The following MTUS2 variants were observed in gnomAD, a reference collection of about 807,000 sequenced individuals.
MTUS2 encodes microtubule associated scaffold protein 2.
A neutral mutation model predicts 114.1 loss-of-function variants in MTUS2; 40 were observed. That is an observed-to-expected ratio of 0.35 (90% confidence interval 0.27 to 0.46). The LOEUF (loss-of-function observed/expected upper bound fraction) is 0.46. MTUS2 is among the 20% of genes least tolerant of loss of function. The pLI, the probability that MTUS2 is intolerant of heterozygous loss-of-function variation, is 1.00. For missense variants in MTUS2, 1,679 were observed against 1,705.4 expected (o/e 0.98, Z 0.27); for synonymous variants, 688 against 672.0 (o/e 1.02, Z -0.37).
At chr13:29,336,876 A>G (rs948638363) in intron 7 of MTUS2, among the ~76,000 whole-genome samples, 5 of 152,232 alleles carry the variant, frequency 3.3e-5, no homozygotes, top group African/African-American at 1.2e-4. Flanking sequence ...GTCTGGCTAC[A>G]GCGGCTTTGC....
At chr13:29,431,287 C>T (rs764375224) in intron 8 of MTUS2, among the ~76,000 whole-genome samples, 31 of 152,170 alleles carry the variant, frequency 2.0e-4, no homozygotes, top group Non-Finnish European at 3.7e-4. Flanking sequence ...GTTGTTTGTG[C>T]TTATGTATTT....
At chr13:28,828,979 C>T (rs1874468535) in intron 1 of MTUS2, among the ~76,000 whole-genome samples, 1 of 152,046 alleles carries the variant, frequency 6.6e-6, no homozygotes. Flanking sequence ...TATTATTTAT[C>T]TTGGAACACA....
intron 5 of MTUS2, among the ~76,000 whole-genome samples, chr13:29,133,240 TTTCTGTGTA>T (rs1891840582): frequency 6.6e-6 from 1 of 152,176 alleles, no homozygotes; most frequent in Non-Finnish European, 1.5e-5. Flanking sequence ...TTTCAGGAGT[TTTCTGTGTA>T]TTCTGGATAT....
At chr13:29,062,152 T>A (rs1274249237) in intron 4 of MTUS2, among the ~76,000 whole-genome samples, 1 of 152,064 alleles carries the variant, frequency 6.6e-6, no homozygotes, top group Non-Finnish European at 1.5e-5. Context: ...GCCTGGCTAA[T>A]TTTTGTATTT....
At position 29,399,232 on chromosome 13, in the gene MTUS2, C is replaced by T. The variant is rs191779019; in HGVS notation, c.3117+39759C>T. Among the ~76,000 whole-genome samples, 59 of 152,234 alleles carry T rather than the reference C, an allele frequency of 3.9e-4. 1 individual carries two copies. The highest frequency in any genetic ancestry group is 7.7e-4 in the East Asian group (4 of 5,178). ...TCTGGTGAGAGTGTAGCAGCAAGGA[C>T]GACCAAAGGACACTCTCGTCTCTAT... On this transcript the variant is annotated intron_variant, in intron 8 of 15. Transcript: ENST00000612955.
At chr13:29,375,517 ATATATATATATATATATATAC>A (rs1871534209) in intron 8 of MTUS2, among the ~76,000 whole-genome samples, 1 of 5,852 alleles carries the variant, frequency 1.7e-4, no homozygotes, top group Non-Finnish European at 1.2e-3. Context: ...CCAGCCTACT[ATATATATATATATATATATAC>A]GTGTATATAT....
intron 5 of MTUS2, among the ~76,000 whole-genome samples, chr13:29,229,975 A>G (rs4098156): frequency 0.82 from 125,376 of 151,994 alleles, 51,747 homozygotes; most frequent in East Asian, 0.89. Context: ...GGCCGGGCAC[A>G]ATGGCTCACG....
intron 4 of MTUS2, among the ~76,000 whole-genome samples, chr13:29,069,898 C>T (rs1031600296): frequency 2.0e-5 from 3 of 152,088 alleles, no homozygotes; most frequent in African/African-American, 7.2e-5. Context: ...AAGTATCTGT[C>T]CTGTTTATCA....
At chr13:29,161,963 A>G (rs1289412439) in intron 5 of MTUS2, among the ~76,000 whole-genome samples, 2 of 152,022 alleles carry the variant, frequency 1.3e-5, no homozygotes, top group Non-Finnish European at 2.9e-5. Flanking sequence ...CCACTCTTAT[A>G]TTTCCAGCTC....
chr13:29,200,374 G>A (rs1894891879), intron 5 of MTUS2, among the ~76,000 whole-genome samples: 2 of 151,962 alleles, frequency 1.3e-5, no homozygotes, highest in Non-Finnish European at 2.9e-5. Context: ...GTGTCCCAGA[G>A]ATTCTGGTAT....
At chr13:29,412,285 C>T (rs1028153055) in intron 8 of MTUS2, among the ~76,000 whole-genome samples, 1 of 152,122 alleles carries the variant, frequency 6.6e-6, no homozygotes, top group Non-Finnish European at 1.5e-5. Flanking sequence ...TTCTTGAGTG[C>T]TGTTAACTGG....
rs997501169 is a variant in MTUS2 at position 29,277,650 on chromosome 13, C to T, written c.2645-4054C>T. On this transcript the variant is annotated intron_variant, in intron 5 of 15. Coordinates refer to ENST00000612955, the MANE Select transcript of MTUS2 (RefSeq NM_001033602.4). The stretch of plus-strand genomic sequence containing the variant: ...TTTGTTCATCACACCACTCCCTTTT[C>T]CCCTGGACATAAACTAAAGTACATT... Among the ~76,000 whole-genome samples the T allele has an allele frequency of 6.6e-5, 10 of 152,192 alleles. 1 individual carries two copies. Among genetic ancestry groups the T allele is most frequent in the Non-Finnish European group, 1.3e-4 (9 of 68,040 alleles).
intron 6 of MTUS2, among the ~76,000 whole-genome samples, chr13:29,292,403 C>A (rs1898754689): frequency 6.6e-6 from 1 of 152,174 alleles, no homozygotes; most frequent in Admixed American, 6.5e-5. Flanking sequence ...TTTTCTGGTT[C>A]ACTCATTGAA....
intron 6 of MTUS2, among the ~76,000 whole-genome samples, chr13:29,292,797 C>A (rs182079610): frequency 2.4e-3 from 362 of 152,068 alleles, no homozygotes; most frequent in African/African-American, 8.4e-3. Flanking sequence ...AGATAAAAAT[C>A]TGAGTAATAG....
chr13:29,287,783 C>A (rs530957219), intron 6 of MTUS2, among the ~76,000 whole-genome samples: 7 of 152,284 alleles, frequency 4.6e-5, no homozygotes, highest in African/African-American at 1.7e-4. Context: ...TCCAGACTTA[C>A]CAATTCAGTG....
intron 9 of MTUS2, among the ~76,000 whole-genome samples, chr13:29,461,464 T>C (rs73446120): frequency 0.022 from 3,293 of 152,316 alleles, 107 homozygotes; most frequent in African/African-American, 0.071. Context: ...GAAGCAACCC[T>C]ACAGTATACA....
intron 1 of MTUS2, among the ~76,000 whole-genome samples, chr13:28,821,898 C>G (rs186193469): frequency 2.6e-5 from 4 of 152,292 alleles, no homozygotes; most frequent in Admixed American, 1.3e-4. Flanking sequence ...AATGCTCTTT[C>G]TTGATTTTCC....
At chr13:28,884,279 A>G (rs1372048978) in intron 2 of MTUS2, among the ~76,000 whole-genome samples, 1 of 152,226 alleles carries the variant, frequency 6.6e-6, no homozygotes, top group Admixed American at 6.5e-5. Context: ...TGAGGACATG[A>G]TGCAAAGTGA....
intron 7 of MTUS2, among the ~76,000 whole-genome samples, chr13:29,337,791 TGG>T (rs1372404515): frequency 1.6e-5 from 2 of 125,680 alleles, no homozygotes; most frequent in African/African-American, 6.5e-5. Flanking sequence ...TTGTTTGTTT[TGG>T]TTTTTTTTTT....
Sources: allele counts gnomAD v4.1 joint callset (sites outside exome capture counted in the v4.1 genomes callset), GRCh38; gene constraint gnomAD v4.1.1; transcripts MANE v1.5; gene names NCBI Gene and HGNC (gene_info 2026-07-23, HGNC 2026-07-21).